OPCML: variants seen among roughly 807,000 people sequenced by gnomAD.
The protein encoded by OPCML is opioid binding protein/cell adhesion molecule like.
OPCML carries 13 observed loss-of-function variants against 37.8 expected under a neutral mutation model. That is an observed-to-expected ratio of 0.34 (90% confidence interval 0.22 to 0.55). The LOEUF (loss-of-function observed/expected upper bound fraction) is 0.55, where lower values mean the gene tolerates loss of function less well. Among genes scored for constraint, OPCML ranks in the 20% least tolerant of loss-of-function variants. OPCML has a pLI of 0.91. For synonymous variants in OPCML, 176 were observed against 168.8 expected (o/e 1.04, Z -0.33); for missense variants, 341 against 435.6 (o/e 0.78, Z 1.93).
chr11:132,518,633 C>T (rs1482428685), intron 4 of OPCML, among the ~76,000 whole-genome samples: 2 of 152,182 alleles, frequency 1.3e-5, no homozygotes, highest in Non-Finnish European at 2.9e-5. Context: ...TGTTAATCTT[C>T]AGGTGTCTGT....
rs138651618 is a variant in OPCML, at chr11:132,840,206, T to C, written c.146+102720A>G. ...AACTTCTGACGGCATTTAGCTTGCA[T>C]GTGTAGGGTTGGCCTCCCCTGGGTG... On this transcript the variant is annotated intron_variant, in intron 2 of 7. Transcript: ENST00000524381. 5.7e-3 allele frequency among the ~76,000 whole-genome samples: 863 copies of C among 152,288 alleles called. 6 individuals carry two copies. Among genetic ancestry groups the C allele is most frequent in the African/African-American group, 0.02 (825 of 41,556 alleles).
intron 2 of OPCML, among the ~76,000 whole-genome samples, chr11:132,659,694 C>CACAAA (rs1466450009): frequency 6.7e-6 from 1 of 149,472 alleles, no homozygotes; most frequent in African/African-American, 2.6e-5. Context: ...TTTTTTAAGT[C>CACAAA]ACAAAATTCC....
chr11:132,437,207 T>C lies in OPCML; in HGVS notation c.643+15A>G, dbSNP rs895113763. ...CGTCTTTTCCCCAGAACCCCCTGGC[T>C]GCAGGTCCACTCACAGTTTACAGTG... On this transcript the variant is annotated intron_variant, in intron 5 of 7. Coordinates refer to ENST00000524381, the MANE Select transcript of OPCML (RefSeq NM_001012393.5). 7.5e-6 allele frequency: 12 copies of C among 1,610,102 alleles called. No homozygotes were observed. In the Middle Eastern group the frequency reaches 5.0e-4, roughly 67 times the overall value.
chr11:133,140,070 C>A (rs1451138329), intron 1 of OPCML, among the ~76,000 whole-genome samples: 3 of 151,438 alleles, frequency 2.0e-5, no homozygotes, highest in African/African-American at 7.3e-5. Context: ...ACCTGTAGTC[C>A]CAGCTACTGG....
intron 1 of OPCML, among the ~76,000 whole-genome samples, chr11:133,270,653 G>T (rs1592155356): frequency 6.6e-6 from 1 of 152,266 alleles, no homozygotes; most frequent in African/African-American, 2.4e-5. Flanking sequence ...CTGTAAACAG[G>T]TGGTTTTCGT....
chr11:133,228,625 G>T lies in OPCML; in HGVS notation c.62-285615C>A, dbSNP rs117265907. ...TCCCCGTCCTAGAGCTCTGCTTCTT[G>T]CCACCTGCCCCCGCTTGGGCTGCCC... is the stretch of plus-strand genomic sequence containing the variant. On this transcript the variant is annotated intron_variant, in intron 1 of 7. Coordinates refer to ENST00000524381, the MANE Select transcript of OPCML (RefSeq NM_001012393.5). Among the ~76,000 whole-genome samples the T allele has an allele frequency of 3.7e-4, 57 of 152,334 alleles. 1 individual carries two copies. The highest frequency in any genetic ancestry group is 6.3e-4 in the Non-Finnish European group (43 of 68,034).
chr11:132,706,135 C>A (rs755984279), intron 2 of OPCML, among the ~76,000 whole-genome samples: 1 of 152,048 alleles, frequency 6.6e-6, no homozygotes, highest in Non-Finnish European at 1.5e-5. Flanking sequence ...AATGCAGGAA[C>A]GACCTAATAC....
At chr11:133,296,263 CA>C (rs565092829) in intron 1 of OPCML, among the ~76,000 whole-genome samples, 159 of 152,270 alleles carry the variant, frequency 1.0e-3, no homozygotes, top group African/African-American at 3.6e-3. Flanking sequence ...TAGTAATACT[CA>C]AAATACACTG....
chr11:133,431,803 A>T (rs1040791105), intron 1 of OPCML, among the ~76,000 whole-genome samples: 108 of 147,732 alleles, frequency 7.3e-4, no homozygotes, highest in African/African-American at 2.5e-3. Context: ...TAAAATATTT[A>T]TATATAATAT....
intron 4 of OPCML, among the ~76,000 whole-genome samples, chr11:132,466,257 G>A (rs998149626): frequency 6.6e-5 from 10 of 151,724 alleles, no homozygotes; most frequent in Admixed American, 2.6e-4. Flanking sequence ...AGGCCGAGGC[G>A]GGCGGATCAC....
At chr11:133,421,503 T>G (rs1945886279) in intron 1 of OPCML, 1 of 985,414 alleles carries the variant, frequency 1.0e-6, no homozygotes, top group Non-Finnish European at 1.2e-6. Flanking sequence ...ACTTTAATTA[T>G]TTTTCCTCTT....
Position 133,208,857 on chromosome 11 carries a change from TA to T in OPCML, c.62-265848del, listed in dbSNP as rs2136336288. On this transcript the variant is annotated intron_variant, in intron 1 of 7. Transcript: ENST00000524381. The surrounding 1 kb of genome is among the most constrained non-coding windows in gnomAD (Gnocchi z 8.9). ...CACGCTATTCCATGACTACCTATTC[TA>T]ACTGCTCCCAAAGCACCCCTACTTT... is the stretch of plus-strand genomic sequence containing the variant. Among the ~76,000 whole-genome samples, 1 of 152,314 alleles carries T rather than the reference TA, an allele frequency of 6.6e-6. No homozygotes were observed. Among genetic ancestry groups the T allele is most frequent in the Admixed American group, 6.5e-5 (1 of 15,304 alleles).
intron 4 of OPCML, among the ~76,000 whole-genome samples, chr11:132,450,871 G>C (rs1309591763): frequency 2.0e-5 from 3 of 152,158 alleles, no homozygotes; most frequent in Non-Finnish European, 4.4e-5. Flanking sequence ...TTAAAATAAT[G>C]GGGTGGGGTT....
rs370600569 is a variant in OPCML at position 132,542,740 on chromosome 11, G to A, written c.380-13554C>T. Among the ~76,000 whole-genome samples, 6 of 152,310 alleles carry A rather than the reference G, an allele frequency of 3.9e-5. No homozygotes were observed. In the South Asian group the frequency reaches 1.2e-3, roughly 32 times the overall value. On this transcript the variant is annotated intron_variant, in intron 3 of 7. Transcript: ENST00000524381. ...GGGGCCCAGGGGGTGTCTCAACTGA[G>A]CTGGCTGCCCCTTGGGATGCAGCCT... is the stretch of plus-strand genomic sequence containing the variant.
intron 1 of OPCML, among the ~76,000 whole-genome samples, chr11:132,966,323 T>C (rs1307631695): frequency 6.6e-6 from 1 of 152,168 alleles, no homozygotes; most frequent in East Asian, 1.9e-4. Context: ...TTTCCATTTT[T>C]TTAAATTTCT....
At chr11:132,697,371 T>C (rs1269119879) in intron 2 of OPCML, among the ~76,000 whole-genome samples, 1 of 152,156 alleles carries the variant, frequency 6.6e-6, no homozygotes, top group African/African-American at 2.4e-5. Flanking sequence ...GTACATTAGG[T>C]TTACAGAACT....
intron 2 of OPCML, among the ~76,000 whole-genome samples, chr11:132,778,033 G>A (rs1352283337): frequency 6.6e-6 from 1 of 152,182 alleles, no homozygotes; most frequent in Non-Finnish European, 1.5e-5. Context: ...CCTGAAAGAA[G>A]AGAGGTTTAT....
intron 2 of OPCML, among the ~76,000 whole-genome samples, chr11:132,924,998 A>G (rs1004040336): frequency 6.6e-6 from 1 of 152,082 alleles, no homozygotes; most frequent in Non-Finnish European, 1.5e-5. Context: ...AAAGGTTTCC[A>G]CTGGCATATT....
intron 4 of OPCML, among the ~76,000 whole-genome samples, chr11:132,452,749 C>T (rs2096071914): frequency 6.6e-6 from 1 of 152,146 alleles, no homozygotes; most frequent in Non-Finnish European, 1.5e-5. Flanking sequence ...TAACTAAAGA[C>T]CCTTTCTCAG....
Sources: gnomAD v4.1 joint callset for allele counts (sites outside exome capture counted in the v4.1 genomes callset) on GRCh38, gnomAD v4.1.1 for gene constraint, Gnocchi (gnomAD v3.1) non-coding constraint, MANE v1.5 for transcripts, NCBI Gene and HGNC (gene_info 2026-07-23, HGNC 2026-07-21) for gene names.